The following MAP1A variants were observed in gnomAD, a reference collection of about 807,000 sequenced individuals.
MAP1A encodes microtubule associated protein 1A.
In MAP1A, 42 loss-of-function variants were observed where a neutral mutation model predicts 185.9. That is an observed-to-expected ratio of 0.23 (90% CI 0.18 to 0.29). MAP1A has a LOEUF of 0.29. Ranked by LOEUF, MAP1A falls within the 10% of genes least tolerant of loss-of-function variation. The probability of loss-of-function intolerance (pLI) is 1.00; values close to 1 mark genes in which losing one functional copy is unlikely to be tolerated. For missense variants in MAP1A, 2,995 were observed against 3,450.4 expected, an observed-to-expected ratio of 0.87 and a Z score of 3.31; for synonymous variants, 1,229 against 1,335.9, an observed-to-expected ratio of 0.92 and a Z score of 1.74.
In MAP1A at chr15:43,527,878, C is replaced by A. The variant is rs745511234; in HGVS notation, c.6405C>A (p.Ser2135=). ...PSPPHPIPMG[S]PTLWPETEAH... ...CTCCTCACCCCATTCCTATGGGGTC[C>A]CCCACATTATGGCCAGAAACTGAGG... Residue 2135 remains serine (S), a synonymous_variant, in exon 4 of 6, where the codon TCC becomes TCA. Coordinates refer to ENST00000300231, the MANE Select transcript of MAP1A (RefSeq NM_002373.6). 1.9e-6 allele frequency: 3 copies of A among 1,614,142 alleles called. No individual in the cohort carries two copies. Among genetic ancestry groups the A allele is most frequent in the South Asian group, 1.1e-5 (1 of 91,082 alleles).
In MAP1A at chr15:43,528,089, C is replaced by T. The variant is rs752880383; in HGVS notation, c.6616C>T (p.Pro2206Ser). 1 of 1,614,032 alleles carries T rather than the reference C, an allele frequency of 6.2e-7. No homozygotes were observed. Among genetic ancestry groups the T allele is most frequent in the South Asian group, 1.1e-5 (1 of 91,082 alleles). The change falls in exon 4 of 6, where the codon CCA becomes TCA. Residue 2206 changes from proline (P) to serine (S), a missense_variant. By Grantham distance (74) the Pro-to-Ser change is moderately conservative. This residue lies in a region of MAP1A where 2,728 missense variants were observed against 2,986.0 expected (regional missense o/e 0.91). Transcript: ENST00000300231. Reference protein sequence around the residue: ...FSGDRALALAPGPPTRTRHDE... With the variant: ...FSGDRALALASGPPTRTRHDE... ...TGGGGATCGAGCTCTGGCTCTGGCT[C>T]CAGGACCCCCCACCAGAACCCGGCA...
chr15:43,521,357 A>T lies in MAP1A; in HGVS notation c.-117A>T, dbSNP rs1204174463. 6.2e-7 allele frequency: 1 copy of T among 1,613,172 alleles called. No individual in the cohort carries two copies. On this transcript the variant is annotated 5_prime_UTR_variant, in exon 4 of 6. Coordinates refer to ENST00000300231, the MANE Select transcript of MAP1A (RefSeq NM_002373.6). This position sits in a 1 kb window ranked among gnomAD's most constrained non-coding sequence, Gnocchi z 4.6. ...ATTGCTCAGCAATAGAGACCCTGGG[A>T]TACAGGCCTTCCTTACCGTGTCCTG...
intron 1 of MAP1A, 110 bp from the exon 2 acceptor site, chr15:43,520,531 G>T (rs2079315059): frequency 1.3e-6 from 1 of 760,220 alleles, no homozygotes; most frequent in South Asian, 1.5e-5. Flanking sequence ...AGGGCCTAAG[G>T]ATACCTTCTC....
In MAP1A at chr15:43,520,954, C is replaced by G. The variant is rs2079316857; in HGVS notation, c.-291-18C>G. The stretch of plus-strand genomic sequence containing the variant: ...TGGATTTCCTATATCTGTGACCACT[C>G]CCCTTCTTCCATTCCAGGTTCATCA... On this transcript the variant is annotated intron_variant, in intron 2 of 5. Transcript: ENST00000300231. 1.3e-6 allele frequency: 2 copies of G among 1,547,974 alleles called. No individual in the cohort carries two copies. The highest frequency in any genetic ancestry group is 2.7e-5 in the African/African-American group (2 of 73,084).
In MAP1A at chr15:43,527,942, G is replaced by C. The variant is rs550816739; in HGVS notation, c.6469G>C (p.Ala2157Pro). ...SPPLDSHLGP[A>P]RPSLDFPASA... is the part of the protein sequence containing the mutation. ...TCCCTTGGACTCACACCTGGGGCCT[G>C]CCCGACCCAGTCTGGACTTCCCTGC... Residue 2157 changes from alanine (A) to proline (P), a missense_variant, in exon 4 of 6, where the codon GCC becomes CCC. Ala to Pro is a conservative substitution (Grantham distance 27). Around this residue, in one of 3 missense-constraint regions of MAP1A, gnomAD observed 2,728 missense variants for 2,986.0 expected, o/e 0.91. Coordinates refer to ENST00000300231, the MANE Select transcript of MAP1A (RefSeq NM_002373.6). The C allele has an allele frequency of 6.2e-7, 1 of 1,614,058 alleles. No individual in the cohort carries two copies. Among genetic ancestry groups the C allele is most frequent in the African/African-American group, 1.3e-5 (1 of 75,008 alleles).
chr15:43,523,801 C>G lies in MAP1A; in HGVS notation c.2328C>G (p.Pro776=). The change falls in exon 4 of 6, where the codon CCC becomes CCG. Residue 776 remains proline, a synonymous_variant. Coordinates refer to ENST00000300231, the MANE Select transcript of MAP1A (RefSeq NM_002373.6). ...TTCATACAAGTACATATGACCTGCC[C>G]GGGCCTGAAGGTGCTGGCCCATTCG... ...PRFHTSTYDL[P]GPEGAGPFEA... 6.2e-7 allele frequency: 1 copy of G among 1,613,896 alleles called. No individual in the cohort carries two copies. The highest frequency in any genetic ancestry group is 8.5e-7 in the Non-Finnish European group (1 of 1,179,948).
chr15:43,525,835 C>T lies in MAP1A; in HGVS notation c.4362C>T (p.Asp1454=). The change falls in exon 4 of 6, where the codon GAC becomes GAT. Residue 1454 remains aspartate (D), a synonymous_variant. Transcript: ENST00000300231. ...AGGATAAGATTCCAGAAGAGAAAGA[C>T]AAAGCCTTAGAACAAAAGGATACAG... ...EQKDKIPEEK[D]KALEQKDTAL... 1.9e-6 allele frequency: 3 copies of T among 1,579,960 alleles called. No homozygotes were observed. Among genetic ancestry groups the T allele is most frequent in the Middle Eastern group, 1.7e-4 (1 of 5,948 alleles).
Position 43,522,764 on chromosome 15 carries a change from A to C in MAP1A, c.1291A>C (p.Lys431Gln), listed in dbSNP as rs2079324545. ...GATCAAAAAGGAGAGGAAAGAGCTC[A>C]AGAAGGATGAAGGAAGGAAGGAGGA... ...KEIKKERKEL[K>Q]KDEGRKEEKK... Residue 431 changes from lysine (K) to glutamine (Q), a missense_variant, in exon 4 of 6, where the codon AAG becomes CAG. This residue lies in a region of MAP1A where 2,728 missense variants were observed against 2,986.0 expected (regional missense o/e 0.91). Transcript: ENST00000300231. The surrounding 1 kb of genome is among the most constrained non-coding windows in gnomAD (Gnocchi z 5.9). 5 of 1,569,222 alleles carry C rather than the reference A, an allele frequency of 3.2e-6. No homozygotes were observed. Among genetic ancestry groups the C allele is most frequent in the Non-Finnish European group, 3.5e-6 (4 of 1,155,328 alleles).
Position 43,523,153 on chromosome 15 carries a change from T to G in MAP1A, c.1680T>G (p.Pro560=). The G allele has an allele frequency of 6.2e-7, 1 of 1,614,032 alleles. No homozygotes were observed. Among genetic ancestry groups the G allele is most frequent in the Non-Finnish European group, 8.5e-7 (1 of 1,180,012 alleles). ...CAGGACTAGGAGATAAGCCATTCCC[T>G]CTAGACACTGCAGAGGAGGGACCCC... ...RDTGLGDKPF[P]LDTAEEGPPS... Residue 560 remains proline (P), a synonymous_variant, in exon 4 of 6, where the codon CCT becomes CCG. Transcript: ENST00000300231.
chr15:43,514,243 A>AT (rs1195300369), upstream of MAP1A, among the ~76,000 whole-genome samples: 2 of 152,162 alleles, frequency 1.3e-5, no homozygotes, highest in Non-Finnish European at 2.9e-5. Context: ...AGGTTTGGAC[A>AT]TTTTTATCAT....
chr15:43,517,569 CTCA>C (rs1291965021), upstream of MAP1A: 1 of 253,954 alleles, frequency 3.9e-6, no homozygotes, highest in Non-Finnish European at 6.2e-6. Flanking sequence ...CGCCGCCCTC[CTCA>C]TCAAGCACCC....
Position 43,529,389 on chromosome 15 carries a change from G to C in MAP1A, c.7916G>C (p.Arg2639Pro). Residue 2639 changes from arginine (R) to proline (P), a missense_variant, in exon 4 of 6, where the codon CGA (arginine) becomes CCA (proline). This residue lies in a region of MAP1A where 2,728 missense variants were observed against 2,986.0 expected (regional missense o/e 0.91). Coordinates refer to ENST00000300231, the MANE Select transcript of MAP1A (RefSeq NM_002373.6). This position sits in a 1 kb window ranked among gnomAD's most constrained non-coding sequence, Gnocchi z 4.3. The part of the protein sequence containing the change: ...SPTPGKGPAD[R>P]ASRAPPRPRS... ...ACCCCTGGTAAAGGGCCTGCAGATC[G>C]AGCATCCCGGGCCCCACCTCGACCA... 1 of 1,613,888 alleles carries C rather than the reference G, an allele frequency of 6.2e-7. No individual in the cohort carries two copies. The highest frequency in any genetic ancestry group is 1.1e-5 in the South Asian group (1 of 91,080).
chr15:43,513,245 T>G (rs1231656211), upstream of MAP1A, among the ~76,000 whole-genome samples: 1 of 151,924 alleles, frequency 6.6e-6, no homozygotes, highest in Non-Finnish European at 1.5e-5. Context: ...GAGAATCGCT[T>G]GAACCCGGGA....
In MAP1A at chr15:43,529,634, T is replaced by C. The variant is rs2079363119; in HGVS notation, c.8036-16T>C. 1 of 1,613,224 alleles carries C rather than the reference T, an allele frequency of 6.2e-7. No individual in the cohort carries two copies. On this transcript the variant is annotated splice_polypyrimidine_tract_variant and intron_variant, in intron 4 of 5. Transcript: ENST00000300231. This position sits in a 1 kb window ranked among gnomAD's most constrained non-coding sequence, Gnocchi z 4.3. ...TCTACTTTTCCTCTACAATGAATCC[T>C]GGCTTGTCTCTACAGTGGCCTTGAG...
intron 1 of MAP1A, among the ~76,000 whole-genome samples, chr15:43,518,711 C>CCT (rs1555412136): frequency 7.7e-6 from 1 of 130,392 alleles, no homozygotes; most frequent in African/African-American, 3.5e-5. Context: ...GCAGCCCACC[C>CCT]CCCCCCGCAA....
chr15:43,527,615 G>A lies in MAP1A; in HGVS notation c.6142G>A (p.Glu2048Lys). The A allele has an allele frequency of 6.2e-7, 1 of 1,613,772 alleles. No individual in the cohort carries two copies. The highest frequency in any genetic ancestry group is 8.5e-7 in the Non-Finnish European group (1 of 1,179,970). The change falls in exon 4 of 6, where the codon GAG becomes AAG. Residue 2048 changes from glutamate to lysine, a missense_variant. By Grantham distance (56) the Glu-to-Lys change is moderately conservative. Transcript: ENST00000300231. ...LAGPTVPPRP[E>K]PGPSMEPSLT... is the part of the protein sequence containing the mutation. ...AGGACCCACTGTACCCCCAAGGCCAGAGCCAGGGCCAAGTATGGAGCCCAG... is the reference window on the plus strand; with the variant it reads ...AGGACCCACTGTACCCCCAAGGCCAAAGCCAGGGCCAAGTATGGAGCCCAG...
rs754533670 is a variant in MAP1A, at chr15:43,527,607, C to T, written c.6134C>T (p.Pro2045Leu). The change falls in exon 4 of 6, where the codon CCA (proline) becomes CTA (leucine). Residue 2045 changes from proline to leucine, a missense_variant. By Grantham distance (98) the Pro-to-Leu change is moderately conservative. Coordinates refer to ENST00000300231, the MANE Select transcript of MAP1A (RefSeq NM_002373.6). ...GCCCTGGCAGGACCCACTGTACCCC[C>T]AAGGCCAGAGCCAGGGCCAAGTATG... ...YAALAGPTVP[P>L]RPEPGPSMEP... 1 of 1,613,956 alleles carries T rather than the reference C, an allele frequency of 6.2e-7. No homozygotes were observed. Among genetic ancestry groups the T allele is most frequent in the Non-Finnish European group, 8.5e-7 (1 of 1,179,998 alleles).
chr15:43,530,502 T>C lies in MAP1A; in HGVS notation c.*278T>C, dbSNP rs911387935. ...GCCTGAGAACCCTCTCCTAGCACTG[T>C]CAAATGCTGGTATTGAATGGGGACT... is the stretch of plus-strand genomic sequence containing the variant. On this transcript the variant is annotated 3_prime_UTR_variant, in exon 6 of 6. Coordinates refer to ENST00000300231, the MANE Select transcript of MAP1A (RefSeq NM_002373.6). The C allele has an allele frequency of 2.5e-6, 1 of 404,902 alleles. No homozygotes were observed. The highest frequency in any genetic ancestry group is 4.5e-6 in the Non-Finnish European group (1 of 223,562). 25.1% of individuals were successfully genotyped at this position (404,902 alleles called of 1,614,324 possible).
In MAP1A at chr15:43,522,846, A is replaced by T. The variant is rs760112765; in HGVS notation, c.1373A>T (p.Lys458Met). ...AAAGATACCAAACCTGAGCTCAAGA[A>T]GATTTCCAAGCCAGACCTAAAGCCC... ...KRKDTKPELK[K>M]ISKPDLKPFT... is the part of the protein sequence containing the mutation. Residue 458 changes from lysine to methionine, a missense_variant, in exon 4 of 6, where the codon AAG becomes ATG. Around this residue, in one of 3 missense-constraint regions of MAP1A, gnomAD observed 2,728 missense variants for 2,986.0 expected, o/e 0.91. Transcript: ENST00000300231. The surrounding 1 kb of genome is among the most constrained non-coding windows in gnomAD (Gnocchi z 5.9). The T allele has an allele frequency of 5.6e-6, 9 of 1,603,022 alleles. No homozygotes were observed. Among genetic ancestry groups the T allele is most frequent in the South Asian group, 5.6e-5 (5 of 89,496 alleles).
Sources: allele counts gnomAD v4.1 joint callset (sites outside exome capture counted in the v4.1 genomes callset), GRCh38; gene constraint gnomAD v4.1.1; regional missense constraint gnomAD v4.1.1; non-coding constraint Gnocchi (gnomAD v3.1); transcripts MANE v1.5; gene names NCBI Gene and HGNC (gene_info 2026-07-23, HGNC 2026-07-21).